The following MYO10 variants were observed in gnomAD, a reference collection of about 807,000 sequenced individuals.
The protein encoded by MYO10 is unconventional myosin-X.
MYO10 carries 133 observed loss-of-function variants against 257.3 expected under a neutral mutation model. That is an observed-to-expected ratio of 0.52 (90% CI 0.45 to 0.60). MYO10 has a LOEUF of 0.60. MYO10 is among the 20% of genes least tolerant of loss of function. The pLI, the probability that MYO10 is intolerant of heterozygous loss-of-function variation, is 0.00. For missense variants in MYO10, 2,399 were observed against 2,635.7 expected (o/e 0.91, Z 1.97); for synonymous variants, 1,104 against 1,028.6 (o/e 1.07, Z -1.40).
intron 19 of MYO10, among the ~76,000 whole-genome samples, chr5:16,728,650 G>A (rs1440034196): frequency 6.6e-6 from 1 of 152,188 alleles, no homozygotes. Context: ...CCAAGAGCCA[G>A]TGGGCAAGAC....
intron 2 of MYO10, among the ~76,000 whole-genome samples, chr5:16,857,010 C>T (rs114108521): frequency 1.1e-4 from 17 of 152,278 alleles, no homozygotes; most frequent in African/African-American, 1.7e-4. Flanking sequence ...GATAAGTTAA[C>T]GATTTAACTG....
chr5:16,801,767 C>T (rs1404340256), intron 3 of MYO10, among the ~76,000 whole-genome samples: 1 of 149,892 alleles, frequency 6.7e-6, no homozygotes, highest in African/African-American at 2.6e-5. Flanking sequence ...CCTCCAAGCA[C>T]TTTCTTATTC....
chr5:16,809,464 C>T (rs945760280), intron 3 of MYO10, among the ~76,000 whole-genome samples: 1 of 152,256 alleles, frequency 6.6e-6, no homozygotes, highest in African/African-American at 2.4e-5. Flanking sequence ...CAGTCCACGG[C>T]AGGGTATGCC....
chr5:16,898,471 G>A (rs1415829029), intron 1 of MYO10, among the ~76,000 whole-genome samples: 3 of 147,904 alleles, frequency 2.0e-5, no homozygotes, highest in East Asian at 2.0e-4. Flanking sequence ...GGAGTGCAGT[G>A]GCGTGATCTC....
chr5:16,840,772 A>G (rs1361868961), intron 2 of MYO10, among the ~76,000 whole-genome samples: 2 of 152,178 alleles, frequency 1.3e-5, no homozygotes, highest in African/African-American at 4.8e-5. Flanking sequence ...TCCTACTAAT[A>G]AAGTTAAAAC....
At chr5:16,903,192 G>A (rs1350210582) in intron 1 of MYO10, among the ~76,000 whole-genome samples, 1 of 152,236 alleles carries the variant, frequency 6.6e-6, no homozygotes, top group Non-Finnish European at 1.5e-5. Context: ...GGATCATGAG[G>A]TCAGGAGTTG....
At chr5:16,804,580 A>T (rs2126691107) in intron 3 of MYO10, among the ~76,000 whole-genome samples, 1 of 152,314 alleles carries the variant, frequency 6.6e-6, no homozygotes, top group South Asian at 2.1e-4. Context: ...ATTTCAAGAA[A>T]GACAAATTAT....
At position 16,689,909 on chromosome 5, in the gene MYO10, C is replaced by G; in HGVS notation, c.3811G>C (p.Asp1271His). Residue 1271 changes from aspartate to histidine, a missense_variant, in exon 28 of 41, where the codon GAT becomes CAT. This residue lies in a region of MYO10 where 1,820 missense variants were observed against 1,939.4 expected (regional missense o/e 0.94). Coordinates refer to ENST00000513610, the MANE Select transcript of MYO10 (RefSeq NM_012334.3). ...ATCCCATTCTCCTTGGTGGTGTTATCTATGATCTCTCTGCAAAGAAGCAAA... is the reference window on the plus strand; with the variant it reads ...ATCCCATTCTCCTTGGTGGTGTTATGTATGATCTCTCTGCAAAGAAGCAAA... ...VEVRTAKEII[D>H]NTTKENGIDI... 1 of 1,612,606 alleles carries G rather than the reference C, an allele frequency of 6.2e-7. No homozygotes were observed. The highest frequency in any genetic ancestry group is 2.2e-5 in the East Asian group (1 of 44,864).
chr5:16,815,257 C>G, intron 3 of MYO10: 2 of 511,656 alleles, frequency 3.9e-6, no homozygotes, highest in Non-Finnish European at 6.9e-6. Context: ...GCCTGGGACA[C>G]AAAGTGTTGT....
intron 19 of MYO10, among the ~76,000 whole-genome samples, chr5:16,746,707 C>T (rs1039070231): frequency 6.6e-6 from 1 of 152,152 alleles, no homozygotes; most frequent in Admixed American, 6.6e-5. Context: ...GATGAATGAC[C>T]TCCATTTCAT....
chr5:16,860,873 A>AC (rs1744087980), intron 2 of MYO10, among the ~76,000 whole-genome samples: 1 of 151,902 alleles, frequency 6.6e-6, no homozygotes, highest in Non-Finnish European at 1.5e-5. Flanking sequence ...GCTGATTACT[A>AC]CCTAGGAAAA....
intron 27 of MYO10, among the ~76,000 whole-genome samples, chr5:16,693,467 A>G (rs995985158): frequency 3.3e-5 from 5 of 152,240 alleles, no homozygotes; most frequent in African/African-American, 9.6e-5. Context: ...CTGCAGAGAC[A>G]TGAGTTTTCC....
At chr5:16,737,624 G>A (rs1739856842) in intron 19 of MYO10, among the ~76,000 whole-genome samples, 1 of 152,170 alleles carries the variant, frequency 6.6e-6, no homozygotes, top group African/African-American at 2.4e-5. Flanking sequence ...TTTATTGACA[G>A]CAAATAAAAA....
At position 16,766,155 on chromosome 5, in the gene MYO10, C is replaced by T. The variant is rs1206841426; in HGVS notation, c.1104G>A (p.Gln368=). Residue 368 remains glutamine (Q), a synonymous_variant, in exon 11 of 41, where the codon CAG becomes CAA. Coordinates refer to ENST00000513610, the MANE Select transcript of MYO10 (RefSeq NM_012334.3). ...SAELLGLDPT[Q]LTDALTQRSM... ...ATCTCTGGGTCAAAGCATCTGTGAG[C>T]TGTGTTGGGTCCAGCCCAAGTAACT... The T allele has an allele frequency of 6.2e-7, 1 of 1,613,882 alleles. No individual in the cohort carries two copies. The highest frequency in any genetic ancestry group is 2.2e-5 in the East Asian group (1 of 44,866).
At chr5:16,732,373 C>G (rs1739618058) in intron 19 of MYO10, among the ~76,000 whole-genome samples, 2 of 152,152 alleles carry the variant, frequency 1.3e-5, no homozygotes, top group South Asian at 2.1e-4. Context: ...GTAGCCTCCC[C>G]CTTGGGTATA....
At chr5:16,737,599 C>A (rs1739855709) in intron 19 of MYO10, among the ~76,000 whole-genome samples, 1 of 152,176 alleles carries the variant, frequency 6.6e-6, no homozygotes, top group Non-Finnish European at 1.5e-5. Flanking sequence ...AGTTAACTTA[C>A]ATGTAGATGC....
chr5:16,671,953 G>T (rs1424774391), intron 37 of MYO10, among the ~76,000 whole-genome samples: 1 of 152,164 alleles, frequency 6.6e-6, no homozygotes, highest in Non-Finnish European at 1.5e-5. Context: ...ATACTAAGCA[G>T]GAATACCTTC....
intron 19 of MYO10, among the ~76,000 whole-genome samples, chr5:16,724,820 T>C (rs1579910995): frequency 6.6e-6 from 1 of 152,150 alleles, no homozygotes; most frequent in Non-Finnish European, 1.5e-5. Flanking sequence ...CAAAAAAGCA[T>C]CTGCCATAAA....
At chr5:16,758,762 T>A (rs565484299) in intron 17 of MYO10, among the ~76,000 whole-genome samples, 1 of 152,300 alleles carries the variant, frequency 6.6e-6, no homozygotes, top group African/African-American at 2.4e-5. Flanking sequence ...GATAATTTTT[T>A]AATTTATCCC....
Sources: allele counts gnomAD v4.1 joint callset (sites outside exome capture counted in the v4.1 genomes callset), GRCh38; gene constraint gnomAD v4.1.1; regional missense constraint gnomAD v4.1.1; transcripts MANE v1.5; gene names NCBI Gene and HGNC (gene_info 2026-07-23, HGNC 2026-07-21).